PCDHA6: variants seen among roughly 807,000 people sequenced by gnomAD.
The protein encoded by PCDHA6 is protocadherin alpha 6.
In PCDHA6, 55 loss-of-function variants were observed where a neutral mutation model predicts 60.3. The observed-to-expected ratio is 0.91, with a 90% CI of 0.73 to 1.14. PCDHA6 has a LOEUF of 1.14. Among genes scored for constraint, PCDHA6 ranks in the 50% most tolerant of loss-of-function variants. The pLI is 0.00. For synonymous variants in PCDHA6, 652 were observed against 557.9 expected, an observed-to-expected ratio of 1.17 and a Z score of -2.38; for missense variants, 1,327 against 1,256.5, an observed-to-expected ratio of 1.06 and a Z score of -0.85.
At chr5:140,883,719 C>T in intron 1 of PCDHA6, 1 of 1,613,598 alleles carries the variant, frequency 6.2e-7, no homozygotes, top group Non-Finnish European at 8.5e-7. Context: ...GACGCGGACG[C>T]ACAGGAGAAC....
At chr5:140,968,609 G>C (rs1554230915) in intron 1 of PCDHA6, 1 of 1,614,194 alleles carries the variant, frequency 6.2e-7, no homozygotes, top group Admixed American at 1.7e-5. Context: ...CTCAGACTCT[G>C]GGCAAAATGC....
intron 1 of PCDHA6, chr5:140,851,710 G>T: frequency 2.1e-6 from 2 of 958,600 alleles, no homozygotes; most frequent in Middle Eastern, 5.5e-4. Flanking sequence ...GCCATGTGAA[G>T]ATTCGAAACT....
rs782568724 is a variant in PCDHA6, at chr5:140,927,659, A to C, written c.2395-51290A>C. Reference sequence around the variant, plus strand: ...AATGGGACTGTGTTATTCCGAGTTCAAGCCTTGGATCCAGATGAAGGGTCC... The same window carrying C: ...AATGGGACTGTGTTATTCCGAGTTCCAGCCTTGGATCCAGATGAAGGGTCC... On this transcript the variant is annotated intron_variant, in intron 1 of 3. Coordinates refer to ENST00000529310, the MANE Select transcript of PCDHA6 (RefSeq NM_018909.4). 4 of 1,614,108 alleles carry C rather than the reference A, an allele frequency of 2.5e-6. No homozygotes were observed. In the East Asian group the frequency reaches 6.7e-5, roughly 27 times the overall value.
intron 1 of PCDHA6, among the ~76,000 whole-genome samples, chr5:140,839,745 C>T (rs1414249750): frequency 6.6e-6 from 1 of 151,938 alleles, no homozygotes; most frequent in Non-Finnish European, 1.5e-5. Flanking sequence ...CCCTTATTTG[C>T]CTTTCCTATT....
intron 1 of PCDHA6, among the ~76,000 whole-genome samples, chr5:140,879,016 G>A (rs2057813975): frequency 6.6e-6 from 1 of 152,188 alleles, no homozygotes; most frequent in African/African-American, 2.4e-5. Context: ...ATCAGATAAT[G>A]TTTTATTGAA....
intron 1 of PCDHA6, among the ~76,000 whole-genome samples, chr5:140,846,373 C>CTTTTTTTTTTTTTTTTT (rs374699051): frequency 1.8e-5 from 1 of 55,150 alleles, no homozygotes. Flanking sequence ...TTCTTTCTTT[C>CTTTTTTTTTTTTTTTTT]TTTTTTTTTT....
At chr5:140,984,227 T>C (rs571404372) in intron 3 of PCDHA6, among the ~76,000 whole-genome samples, 1 of 152,336 alleles carries the variant, frequency 6.6e-6, no homozygotes, top group Admixed American at 6.5e-5. Context: ...CTTGCTCTTA[T>C]GGAGGCATTG....
chr5:140,876,301 A>G (rs2056269338), intron 1 of PCDHA6: 2 of 1,614,076 alleles, frequency 1.2e-6, no homozygotes, highest in East Asian at 4.5e-5. Flanking sequence ...TAATGGAGAA[A>G]TTTCCTATGG....
intron 1 of PCDHA6, among the ~76,000 whole-genome samples, chr5:140,896,143 T>C (rs932166066): frequency 2.6e-5 from 4 of 152,198 alleles, no homozygotes; most frequent in Non-Finnish European, 5.9e-5. Context: ...CAGTGCACCA[T>C]TGATGGGCAT....
intron 1 of PCDHA6, chr5:140,928,999 G>C: frequency 1.2e-6 from 2 of 1,613,936 alleles, no homozygotes; most frequent in Non-Finnish European, 1.7e-6. Context: ...ACTTTTCTTC[G>C]TGTGTACCAA....
chr5:140,862,412 G>C (rs536653894), intron 1 of PCDHA6: 92 of 349,964 alleles, frequency 2.6e-4, no homozygotes, highest in Middle Eastern at 1.0e-3. Flanking sequence ...ACCTTCAAAA[G>C]GCGCTGCCCA....
intron 1 of PCDHA6, among the ~76,000 whole-genome samples, chr5:140,915,326 T>C (rs2077071352): frequency 6.6e-6 from 1 of 152,196 alleles, no homozygotes; most frequent in Non-Finnish European, 1.5e-5. Flanking sequence ...TACAGTGTTA[T>C]AATATTCTGT....
At chr5:140,943,321 G>C (rs1012061757) in intron 1 of PCDHA6, among the ~76,000 whole-genome samples, 3 of 150,454 alleles carry the variant, frequency 2.0e-5, no homozygotes, top group Non-Finnish European at 4.4e-5. Flanking sequence ...TAGCAATATT[G>C]TGTAGTATCC....
At chr5:140,919,816 A>T (rs542185810) in intron 1 of PCDHA6, among the ~76,000 whole-genome samples, 22 of 152,358 alleles carry the variant, frequency 1.4e-4, no homozygotes, top group African/African-American at 5.3e-4. Flanking sequence ...GGCCTCAAAA[A>T]TATATGTCCA....
At chr5:140,969,598 T>C in intron 1 of PCDHA6, 1 of 790,872 alleles carries the variant, frequency 1.3e-6, no homozygotes, top group Non-Finnish European at 1.9e-6. Context: ...TAATATTTAA[T>C]GCTAAAACAC....
At chr5:140,966,753 C>T in intron 1 of PCDHA6, 1 of 1,433,176 alleles carries the variant, frequency 7.0e-7, no homozygotes, top group South Asian at 1.5e-5. Context: ...CTGCCTCCGC[C>T]GCGGCCAGTG....
intron 1 of PCDHA6, among the ~76,000 whole-genome samples, chr5:140,945,046 A>G (rs2093731107): frequency 2.0e-5 from 3 of 152,190 alleles, no homozygotes; most frequent in Non-Finnish European, 2.9e-5. Flanking sequence ...TTGGTCTTAT[A>G]TAAAGAAAAC....
At chr5:140,832,741 C>T (rs1477110560) in intron 1 of PCDHA6, among the ~76,000 whole-genome samples, 7 of 152,038 alleles carry the variant, frequency 4.6e-5, no homozygotes, top group African/African-American at 1.4e-4. Context: ...TACATAAATA[C>T]GATGATAGTA....
At chr5:140,882,336 C>A (rs781805621) in intron 1 of PCDHA6, 31 of 1,614,044 alleles carry the variant, frequency 1.9e-5, no homozygotes, top group Non-Finnish European at 2.5e-5. Flanking sequence ...ATCCTCGCAG[C>A]CTGGGAGACG....
Sources: allele counts gnomAD v4.1 joint callset (sites outside exome capture counted in the v4.1 genomes callset), GRCh38; gene constraint gnomAD v4.1.1; transcripts MANE v1.5; gene names NCBI Gene and HGNC (gene_info 2026-07-23, HGNC 2026-07-21).